CNTNAP2: variants seen among roughly 807,000 people sequenced by gnomAD.
The protein encoded by CNTNAP2 is contactin associated protein 2, also known as contactin-associated protein-like 2.
In CNTNAP2, 98 loss-of-function variants were observed where a neutral mutation model predicts 155.2. The ratio of observed to expected loss-of-function variants is 0.63; its 90% CI spans 0.54 to 0.75. The LOEUF is 0.75. Ranked by LOEUF, CNTNAP2 falls within the 30% of genes least tolerant of loss-of-function variation. The pLI is 0.00. For synonymous variants in CNTNAP2, 651 were observed against 631.2 expected (o/e 1.03, Z -0.47); for missense variants, 1,727 against 1,688.1 (o/e 1.02, Z -0.40).
chr7:147,807,213 C>T (rs1262934541), intron 13 of CNTNAP2, among the ~76,000 whole-genome samples: 1 of 148,938 alleles, frequency 6.7e-6, no homozygotes, highest in African/African-American at 2.5e-5. Context: ...GTCCCAGCTA[C>T]TTGAGAGGCT....
intron 18 of CNTNAP2, among the ~76,000 whole-genome samples, chr7:148,206,297 T>G (rs950170331): frequency 6.7e-6 from 1 of 148,158 alleles, no homozygotes; most frequent in Non-Finnish European, 1.5e-5. Context: ...ATATTTAAAT[T>G]TTTAATATTT....
intron 1 of CNTNAP2, among the ~76,000 whole-genome samples, chr7:146,566,484 C>T (rs1308912225): frequency 5.9e-5 from 9 of 151,780 alleles, no homozygotes; most frequent in African/African-American, 2.2e-4. Flanking sequence ...CTGAGGCGGG[C>T]GGATCACGAG....
intron 1 of CNTNAP2, among the ~76,000 whole-genome samples, chr7:146,347,916 T>C (rs1454630421): frequency 6.6e-6 from 1 of 152,130 alleles, no homozygotes; most frequent in Non-Finnish European, 1.5e-5. Flanking sequence ...GGAAATTCTT[T>C]AAATGTGAAC....
intron 13 of CNTNAP2, among the ~76,000 whole-genome samples, chr7:147,751,706 C>T (rs1344343649): frequency 6.6e-6 from 1 of 152,226 alleles, no homozygotes; most frequent in Non-Finnish European, 1.5e-5. Flanking sequence ...CAAAAATATA[C>T]ACAGCCTATG....
chr7:147,908,825 C>A (rs750534546), intron 14 of CNTNAP2, among the ~76,000 whole-genome samples: 4 of 152,168 alleles, frequency 2.6e-5, no homozygotes, highest in Non-Finnish European at 5.9e-5. Flanking sequence ...AATCACAAAG[C>A]ATCATTGGAT....
chr7:147,162,003 A>G (rs952933342), intron 8 of CNTNAP2: 2 of 152,164 alleles, frequency 1.3e-5, no homozygotes, highest in Non-Finnish European at 2.9e-5. Flanking sequence ...GGCCTATGCT[A>G]TGAATGGAAT....
In CNTNAP2 at chr7:147,639,110, C is replaced by T. The variant is rs779301250; in HGVS notation, c.1902C>T (p.Asp634=). The T allele has an allele frequency of 8.1e-6, 13 of 1,614,072 alleles. No individual in the cohort carries two copies. Among genetic ancestry groups the T allele is most frequent in the Non-Finnish European group, 1.1e-5 (13 of 1,179,988 alleles). ...PLKVYCNMTE[D]KVWTIVSHDL... Reference sequence around the variant, plus strand: ...TGGTTGTTTTTCTCCCCACAGAGGACAAAGTGTGGACCATAGTGTCTCATG... The same window carrying T: ...TGGTTGTTTTTCTCCCCACAGAGGATAAAGTGTGGACCATAGTGTCTCATG... The change falls in exon 13 of 24, where the codon GAC becomes GAT. Residue 634 remains aspartate, a synonymous_variant. Transcript: ENST00000361727.
intron 3 of CNTNAP2, among the ~76,000 whole-genome samples, chr7:147,031,538 T>A (rs1278117695): frequency 6.6e-6 from 1 of 152,232 alleles, no homozygotes; most frequent in Non-Finnish European, 1.5e-5. Flanking sequence ...GTGCTACTGA[T>A]AATAACGATA....
intron 13 of CNTNAP2, among the ~76,000 whole-genome samples, chr7:147,649,849 C>T (rs962495664): frequency 6.6e-6 from 1 of 151,324 alleles, no homozygotes; most frequent in African/African-American, 2.4e-5. Flanking sequence ...CATAAAAAGT[C>T]TTCTAAAAAG....
intron 12 of CNTNAP2, among the ~76,000 whole-genome samples, chr7:147,618,699 CAGCTATTAT>C (rs1488890167): frequency 0.029 from 3,883 of 133,086 alleles, 207 homozygotes; most frequent in Admixed American, 0.14. Context: ...TATATAATAA[CAGCTATTAT>C]ACACACACAC....
chr7:148,339,509 C>T (rs1390048215), intron 21 of CNTNAP2: 1 of 152,112 alleles, frequency 6.6e-6, no homozygotes, highest in Non-Finnish European at 1.5e-5. Flanking sequence ...AGCTGCCCGC[C>T]GGGACTCGGG....
At chr7:146,824,957 A>G (rs1268956931) in intron 2 of CNTNAP2, among the ~76,000 whole-genome samples, 1 of 151,270 alleles carries the variant, frequency 6.6e-6, no homozygotes, top group African/African-American at 2.4e-5. Context: ...CCTATGGGGG[A>G]AAAAAGCCTA....
intron 21 of CNTNAP2, among the ~76,000 whole-genome samples, chr7:148,296,436 A>G (rs143238293): frequency 1.5e-4 from 22 of 148,446 alleles, no homozygotes; most frequent in African/African-American, 5.5e-4. Context: ...AGTCCCAGCT[A>G]CTCGGGAGGC....
intron 3 of CNTNAP2, among the ~76,000 whole-genome samples, chr7:146,855,657 A>G (rs187904600): frequency 2.6e-5 from 4 of 151,780 alleles, no homozygotes; most frequent in Non-Finnish European, 4.4e-5. Context: ...ATTTCTGAAC[A>G]TATTTAAATG....
intron 2 of CNTNAP2, among the ~76,000 whole-genome samples, chr7:146,796,396 G>A (rs766953165): frequency 3.9e-5 from 6 of 152,092 alleles, no homozygotes; most frequent in South Asian, 2.1e-4. Flanking sequence ...GAGGGTGAGC[G>A]GCTGTAAAAT....
intron 15 of CNTNAP2, among the ~76,000 whole-genome samples, chr7:148,037,577 C>G (rs1018004135): frequency 6.6e-6 from 1 of 152,090 alleles, no homozygotes; most frequent in African/African-American, 2.4e-5. Flanking sequence ...TACAGTAGTC[C>G]CCCCTTGTCC....
At chr7:148,014,986 C>T (rs1416469835) in intron 15 of CNTNAP2, among the ~76,000 whole-genome samples, 1 of 152,136 alleles carries the variant, frequency 6.6e-6, no homozygotes, top group Non-Finnish European at 1.5e-5. Context: ...TAAGAGAAAG[C>T]ATTATCTGTT....
At chr7:147,117,392 G>A (rs558426722) in intron 5 of CNTNAP2, among the ~76,000 whole-genome samples, 4 of 152,252 alleles carry the variant, frequency 2.6e-5, no homozygotes, top group African/African-American at 7.2e-5. Context: ...GGCAGGGGTT[G>A]GGGGTTCCCT....
intron 15 of CNTNAP2, among the ~76,000 whole-genome samples, chr7:148,001,203 A>G (rs1585071302): frequency 6.6e-6 from 1 of 152,330 alleles, no homozygotes; most frequent in East Asian, 1.9e-4. Context: ...AACCTGCTAC[A>G]ATGGCCAAGA....
Sources: allele counts gnomAD v4.1 joint callset (sites outside exome capture counted in the v4.1 genomes callset), GRCh38; gene constraint gnomAD v4.1.1; transcripts MANE v1.5; gene names NCBI Gene and HGNC (gene_info 2026-07-23, HGNC 2026-07-21).